PRICKLE1: variants seen among roughly 807,000 people sequenced by gnomAD.
The protein encoded by PRICKLE1 is prickle-like protein 1.
A neutral mutation model predicts 70.2 loss-of-function variants in PRICKLE1; 14 were observed. That is an observed-to-expected ratio of 0.20 (90% CI 0.13 to 0.31). PRICKLE1 has a LOEUF of 0.31. Among genes scored for constraint, PRICKLE1 ranks in the 10% least tolerant of loss-of-function variants. PRICKLE1 has a pLI of 1.00. For synonymous variants in PRICKLE1, 357 were observed against 379.9 expected, an observed-to-expected ratio of 0.94 and a Z score of 0.70; for missense variants, 821 against 1,026.2, an observed-to-expected ratio of 0.80 and a Z score of 2.73.
intron 7 of PRICKLE1, among the ~76,000 whole-genome samples, chr12:42,460,909 T>C (rs1052415694): frequency 6.6e-6 from 1 of 152,086 alleles, no homozygotes; most frequent in Non-Finnish European, 1.5e-5. Context: ...GAGACAGAGT[T>C]TTGCTCTAGT....
chr12:42,574,097 G>A (rs1279731970), intron 1 of PRICKLE1, among the ~76,000 whole-genome samples: 1 of 152,162 alleles, frequency 6.6e-6, no homozygotes, highest in Admixed American at 6.5e-5. Context: ...GGGTTGTCAG[G>A]TTAAATACAG....
chr12:42,569,044 C>T (rs888762042), intron 1 of PRICKLE1, among the ~76,000 whole-genome samples: 9 of 152,174 alleles, frequency 5.9e-5, no homozygotes, highest in African/African-American at 1.9e-4. Context: ...TCTGCCTTTT[C>T]CACTTAAATA....
At chr12:42,509,364 G>T (rs1464081083) in intron 1 of PRICKLE1, among the ~76,000 whole-genome samples, 2 of 152,088 alleles carry the variant, frequency 1.3e-5, no homozygotes, top group Non-Finnish European at 2.9e-5. Context: ...AACTCTCAAA[G>T]AACTATTGAA....
intron 1 of PRICKLE1, among the ~76,000 whole-genome samples, chr12:42,511,944 A>G (rs769411498): frequency 2.0e-5 from 3 of 152,162 alleles, no homozygotes; most frequent in Non-Finnish European, 4.4e-5. Flanking sequence ...TGGCTTTGCT[A>G]AGGACTAATG....
chr12:42,459,477 A>ATCT lies in PRICKLE1; in HGVS notation c.*329_*331dup. 3.0e-6 allele frequency: 2 copies of ATCT among 658,216 alleles called. No individual in the cohort carries two copies. The highest frequency in any genetic ancestry group is 5.5e-6 in the Non-Finnish European group (2 of 365,304). 40.8% of individuals were successfully genotyped at this position (658,216 alleles called of 1,614,324 possible). On this transcript the variant is annotated 3_prime_UTR_variant, in exon 8 of 8. Transcript: ENST00000345127. ...TTTACAAAGGTGGCTGGAGTTCTCC[A>ATCT]TCTTCTAAAATCAACATCCAATCCC... is the stretch of plus-strand genomic sequence containing the variant.
Position 42,464,248 on chromosome 12 carries a change from T to G in PRICKLE1, c.1639+147A>C. The G allele has an allele frequency of 9.8e-7, 1 of 1,017,916 alleles. No homozygotes were observed. The highest frequency in any genetic ancestry group is 1.6e-5 in the African/African-American group (1 of 63,738). 63.1% of individuals were successfully genotyped at this position (1,017,916 alleles called of 1,614,324 possible). On this transcript the variant is annotated intron_variant, in intron 7 of 7. Transcript: ENST00000345127. This position sits in a 1 kb window ranked among gnomAD's most constrained non-coding sequence, Gnocchi z 4.2. ...GTTGCCTGGGCTGGTCTCGAACTCC[T>G]GACCTCAAATGATCTGCCCACCTCA...
intron 1 of PRICKLE1, among the ~76,000 whole-genome samples, chr12:42,513,540 G>C (rs992213575): frequency 1.3e-5 from 2 of 151,780 alleles, no homozygotes; most frequent in African/African-American, 2.4e-5. Context: ...TCCAGCCTGG[G>C]CAACATAGCA....
chr12:42,478,516 G>A (rs1030025332), intron 1 of PRICKLE1, among the ~76,000 whole-genome samples: 1 of 152,178 alleles, frequency 6.6e-6, no homozygotes, highest in Non-Finnish European at 1.5e-5. Context: ...CATCAAAGAT[G>A]GCATTGGGAG....
intron 1 of PRICKLE1, among the ~76,000 whole-genome samples, chr12:42,560,796 AC>A (rs1940499959): frequency 2.2e-5 from 2 of 91,870 alleles, no homozygotes; most frequent in Non-Finnish European, 4.5e-5. Flanking sequence ...ACACACACAC[AC>A]ACACACACAC....
At chr12:42,565,811 G>T (rs190489963) in intron 1 of PRICKLE1, among the ~76,000 whole-genome samples, 1 of 152,296 alleles carries the variant, frequency 6.6e-6, no homozygotes, top group East Asian at 1.9e-4. Context: ...GACAGACTGG[G>T]CTAAGGGACT....
intron 1 of PRICKLE1, among the ~76,000 whole-genome samples, chr12:42,554,019 G>C (rs1940371286): frequency 6.6e-6 from 1 of 152,150 alleles, no homozygotes; most frequent in Admixed American, 6.5e-5. Context: ...CAGGAGAATT[G>C]CTTGAACCCG....
At position 42,459,247 on chromosome 12, in the gene PRICKLE1, A is replaced by G; in HGVS notation, c.*562T>C. The G allele has an allele frequency of 1.6e-6, 1 of 636,160 alleles. No individual in the cohort carries two copies. The allele number at this position is 636,160 out of a possible 1,614,324, so 39.4% of individuals were successfully genotyped here. On this transcript the variant is annotated 3_prime_UTR_variant, in exon 8 of 8. Coordinates refer to ENST00000345127, the MANE Select transcript of PRICKLE1 (RefSeq NM_153026.3). ...ATGAAATACTAAGTTATAAATAGCA[A>G]TGTTTTTTGTTTTTTTTTTTCAATC...
At chr12:42,535,654 A>C (rs779690840) in intron 1 of PRICKLE1, among the ~76,000 whole-genome samples, 1 of 152,144 alleles carries the variant, frequency 6.6e-6, no homozygotes, top group Admixed American at 6.5e-5. Context: ...ATATGGTTAC[A>C]CACCCTCTAG....
In PRICKLE1 at chr12:42,527,114, TTTTTTTTTTTCCTC is replaced by T. The variant is rs1192733610; in HGVS notation, c.-48-54564_-48-54551del. ...GGGTACAATTTAAGAGTGTGCTTTCTTTTTTTTTTTCCTCTTTTTTTTTTTTTTTTTTTTTTGGG... is the reference window on the plus strand; with the variant it reads ...GGGTACAATTTAAGAGTGTGCTTTCTTTTTTTTTTTTTTTTTTTTTTTGGG... On this transcript the variant is annotated intron_variant, in intron 1 of 7. Coordinates refer to ENST00000345127, the MANE Select transcript of PRICKLE1 (RefSeq NM_153026.3). Among the ~76,000 whole-genome samples the T allele has an allele frequency of 6.3e-3, 648 of 103,114 alleles. 1 individual carries two copies. Among genetic ancestry groups the T allele is most frequent in the Non-Finnish European group, 8.2e-3 (476 of 57,884 alleles). 67.6% of individuals were successfully genotyped at this position (103,114 alleles called of 152,430 possible). A position where few individuals can be genotyped will look rare whatever the true frequency, so the allele number is the denominator to read the frequency against.
intron 7 of PRICKLE1, among the ~76,000 whole-genome samples, chr12:42,462,077 T>G (rs2464837): frequency 6.6e-6 from 1 of 152,196 alleles, no homozygotes; most frequent in Non-Finnish European, 1.5e-5. Context: ...GGATTACAGG[T>G]GTGAGCCACC....
intron 1 of PRICKLE1, among the ~76,000 whole-genome samples, chr12:42,501,087 T>C (rs1263748931): frequency 1.3e-5 from 2 of 152,234 alleles, no homozygotes; most frequent in African/African-American, 4.8e-5. Context: ...ACTAAAAGTA[T>C]GATTTAGGAA....
intron 1 of PRICKLE1, among the ~76,000 whole-genome samples, chr12:42,488,336 T>C (rs147340430): frequency 1.8e-3 from 272 of 152,318 alleles, no homozygotes; most frequent in Non-Finnish European, 2.7e-3. Flanking sequence ...TGTGGGAGAA[T>C]ATAGGACCAG....
chr12:42,511,947 G>C (rs2120397633), intron 1 of PRICKLE1, among the ~76,000 whole-genome samples: 1 of 152,232 alleles, frequency 6.6e-6, no homozygotes, highest in Non-Finnish European at 1.5e-5. Context: ...CTTTGCTAAG[G>C]ACTAATGGAC....
chr12:42,457,796 T>G lies in PRICKLE1; in HGVS notation c.*2013A>C, dbSNP rs1937636949. On this transcript the variant is annotated 3_prime_UTR_variant, in exon 8 of 8. Coordinates refer to ENST00000345127, the MANE Select transcript of PRICKLE1 (RefSeq NM_153026.3). ...TCACTACCACTTTTAAAAGACACAT[T>G]TATACGAATGTGCTTTGAATGTCTG... 6.6e-6 allele frequency: 1 copy of G among 152,190 alleles called. No homozygotes were observed. The highest frequency in any genetic ancestry group is 1.5e-5 in the Non-Finnish European group (1 of 68,036). The allele number at this position is 152,190 out of a possible 1,614,324, so 9.4% of individuals were successfully genotyped here.
Sources: allele counts gnomAD v4.1 joint callset (sites outside exome capture counted in the v4.1 genomes callset), GRCh38; gene constraint gnomAD v4.1.1; non-coding constraint Gnocchi (gnomAD v3.1); transcripts MANE v1.5; gene names NCBI Gene and HGNC (gene_info 2026-07-23, HGNC 2026-07-21).